Variants in RAD54L2 observed in about 807,000 individuals in gnomAD.
RAD54L2 encodes helicase ARIP4.
In RAD54L2, 27 loss-of-function variants were observed where a neutral mutation model predicts 138.4. The ratio of observed to expected loss-of-function variants is 0.20; its 90% CI spans 0.14 to 0.27. The LOEUF (loss-of-function observed/expected upper bound fraction) is 0.27, where lower values mean the gene tolerates loss of function less well. RAD54L2 is among the 10% of genes least tolerant of loss of function. The pLI is 1.00. For missense variants in RAD54L2, 1,396 were observed against 1,890.2 expected (o/e 0.74, Z 4.85); for synonymous variants, 644 against 723.2 (o/e 0.89, Z 1.76).
chr3:51,609,259 A>G (rs1024662107), intron 3 of RAD54L2, among the ~76,000 whole-genome samples: 1 of 152,164 alleles, frequency 6.6e-6, no homozygotes, highest in African/African-American at 2.4e-5. Context: ...TTTTGCATTC[A>G]CAGGGTTTCA....
Position 51,599,910 on chromosome 3 carries a change from G to A in RAD54L2, c.139+9351G>A, listed in dbSNP as rs1700045065. Reference sequence around the variant, plus strand: ...TGGGATTACAGGCATGAGCTACTGTGCCTGGCCCCAAGTAACTTTTTTATT... The same window carrying A: ...TGGGATTACAGGCATGAGCTACTGTACCTGGCCCCAAGTAACTTTTTTATT... On this transcript the variant is annotated intron_variant, in intron 3 of 22. Coordinates refer to ENST00000684192, the MANE Select transcript of RAD54L2 (RefSeq NM_015106.4). Among the ~76,000 whole-genome samples the A allele has an allele frequency of 2.0e-5, 3 of 151,488 alleles. No homozygotes were observed. The South Asian group carries it at 6.3e-4, about 32-fold the overall frequency.
intron 2 of RAD54L2, among the ~76,000 whole-genome samples, chr3:51,576,387 G>C (rs1699482253): frequency 6.6e-6 from 1 of 152,094 alleles, no homozygotes; most frequent in Non-Finnish European, 1.5e-5. Context: ...GGATTCCCTT[G>C]TTTTCTGTTG....
chr3:51,606,163 C>T (rs142888270), intron 3 of RAD54L2, among the ~76,000 whole-genome samples: 1 of 152,034 alleles, frequency 6.6e-6, no homozygotes, highest in African/African-American at 2.4e-5. Context: ...ATCAAAAGAA[C>T]CTTTAAGCAT....
Position 51,630,781 on chromosome 3 carries a change from TGAG to T in RAD54L2, c.678_680del (p.Glu229del). ...GCAGTGAATCTGTCAGTGAAGATGA[TGAG>T]GAAGAAGAGAAGGGTGGCACCCATG... On this transcript the variant is annotated inframe_deletion, in exon 7 of 23. Coordinates refer to ENST00000684192, the MANE Select transcript of RAD54L2 (RefSeq NM_015106.4). 1 of 1,613,934 alleles carries T rather than the reference TGAG, an allele frequency of 6.2e-7. No individual in the cohort carries two copies. Among genetic ancestry groups the T allele is most frequent in the Non-Finnish European group, 8.5e-7 (1 of 1,179,866 alleles).
At position 51,664,306 on chromosome 3, in the gene RAD54L2, T is replaced by G. The variant is rs1212183290; in HGVS notation, c.*886T>G. 1.3e-5 allele frequency: 2 copies of G among 152,208 alleles called. No individual in the cohort carries two copies. Among genetic ancestry groups the G allele is most frequent in the Non-Finnish European group, 2.9e-5 (2 of 68,042 alleles). 9.4% of individuals were successfully genotyped at this position (152,208 alleles called of 1,614,324 possible). A position where few individuals can be genotyped will look rare whatever the true frequency, so the allele number is the denominator to read the frequency against. ...GGCTATCTCTGAGCAGCTCTCCCTT[T>G]CCAGCTTGGAAGGTTGTCTGTGTGC... is the stretch of plus-strand genomic sequence containing the variant. On this transcript the variant is annotated 3_prime_UTR_variant, in exon 23 of 23. Coordinates refer to ENST00000684192, the MANE Select transcript of RAD54L2 (RefSeq NM_015106.4).
At chr3:51,558,550 G>C (rs1238246648) in intron 2 of RAD54L2, among the ~76,000 whole-genome samples, 2 of 150,864 alleles carry the variant, frequency 1.3e-5, no homozygotes, top group African/African-American at 4.9e-5. Flanking sequence ...GTTCACTGCA[G>C]CCTCAACTGC....
Position 51,627,570 on chromosome 3 carries a change from A to G in RAD54L2, c.157A>G (p.Met53Val), listed in dbSNP as rs553236892. ...DLLDDPSLEGMCGTEHAQLGE... is the reference protein window; with the variant it reads ...DLLDDPSLEGVCGTEHAQLGE... ...TTTTTCAGACCCATCCCTGGAAGGC[A>G]TGTGTGGCACTGAGCATGCCCAGTT... Residue 53 changes from methionine (M) to valine (V), a missense_variant, in exon 4 of 23, where the codon ATG becomes GTG. Around this residue, in one of 7 missense-constraint regions of RAD54L2, gnomAD observed 256 missense variants for 344.6 expected, o/e 0.74. Transcript: ENST00000684192. 1 of 1,552,202 alleles carries G rather than the reference A, an allele frequency of 6.4e-7. No homozygotes were observed. Among genetic ancestry groups the G allele is most frequent in the South Asian group, 1.2e-5 (1 of 84,146 alleles).
At chr3:51,651,689 A>G (rs1302628465) in intron 19 of RAD54L2, among the ~76,000 whole-genome samples, 1 of 152,238 alleles carries the variant, frequency 6.6e-6, no homozygotes, top group Non-Finnish European at 1.5e-5. Context: ...CAAAAACCAC[A>G]TGATTATCTC....
At chr3:51,567,420 C>T (rs1699241942) in intron 2 of RAD54L2, among the ~76,000 whole-genome samples, 1 of 149,754 alleles carries the variant, frequency 6.7e-6, no homozygotes, top group African/African-American at 2.4e-5. Flanking sequence ...TATTCAAGTA[C>T]TTCCTCTCAG....
chr3:51,541,084 C>G (rs1359994287), intron 1 of RAD54L2: 1 of 150,974 alleles, frequency 6.6e-6, no homozygotes, highest in Non-Finnish European at 1.5e-5. Flanking sequence ...TTCTCTTTCT[C>G]CATTCATTCT....
At chr3:51,658,769 A>C (rs1328529934) in intron 21 of RAD54L2, among the ~76,000 whole-genome samples, 1 of 152,108 alleles carries the variant, frequency 6.6e-6, no homozygotes, top group Non-Finnish European at 1.5e-5. Flanking sequence ...GATTCTTCCT[A>C]GTCTAGAACC....
chr3:51,646,568 A>T, intron 19 of RAD54L2, 87 bp downstream of exon 19: 1 of 1,323,492 alleles, frequency 7.6e-7, no homozygotes, highest in Non-Finnish European at 1.0e-6. Context: ...GGCAGAGCCT[A>T]CAACTTGTTC....
At chr3:51,629,218 T>G (rs1363760308) in intron 4 of RAD54L2, 116 bp from the exon 5 acceptor site, 1 of 1,189,186 alleles carries the variant, frequency 8.4e-7, no homozygotes, top group Non-Finnish European at 1.2e-6. Context: ...TGATGTGGCT[T>G]CTCCTTCTCC....
chr3:51,614,806 G>T (rs1350446278), intron 3 of RAD54L2, among the ~76,000 whole-genome samples: 1 of 151,498 alleles, frequency 6.6e-6, no homozygotes, highest in Non-Finnish European at 1.5e-5. Flanking sequence ...AGCCACTGGC[G>T]CCTGGCCTCT....
At position 51,638,766 on chromosome 3, in the gene RAD54L2, C is replaced by T. The variant is rs1701054082; in HGVS notation, c.1860+445C>T. The T allele has an allele frequency of 6.2e-6, 1 of 161,824 alleles. No individual in the cohort carries two copies. The highest frequency in any genetic ancestry group is 1.4e-5 in the Non-Finnish European group (1 of 73,942). The allele number at this position is 161,824 out of a possible 1,614,324, so 10.0% of individuals were successfully genotyped here. A position where few individuals can be genotyped will look rare whatever the true frequency, so the allele number is the denominator to read the frequency against. On this transcript the variant is annotated intron_variant, in intron 12 of 22. Transcript: ENST00000684192. This position sits in a 1 kb window ranked among gnomAD's most constrained non-coding sequence, Gnocchi z 4.3. ...CTGTTTCATTGACTTCATACCTCTA[C>T]CCCTGGCTACTCTTCAGCAGACCTG... is the stretch of plus-strand genomic sequence containing the variant.
chr3:51,646,303 T>G lies in RAD54L2; in HGVS notation c.2848T>G (p.Ser950Ala). 1 of 1,592,812 alleles carries G rather than the reference T, an allele frequency of 6.3e-7. No individual in the cohort carries two copies. The highest frequency in any genetic ancestry group is 8.5e-7 in the Non-Finnish European group (1 of 1,169,988). The change falls in exon 19 of 23, where the codon TCA (serine) becomes GCA (alanine). Residue 950 changes from serine to alanine, a missense_variant. Around this residue, in one of 7 missense-constraint regions of RAD54L2, gnomAD observed 634 missense variants for 711.2 expected, o/e 0.89. Coordinates refer to ENST00000684192, the MANE Select transcript of RAD54L2 (RefSeq NM_015106.4). The part of the protein sequence containing the change: ...LITKEPFEHE[S>A]LLLNRKDHKL... ...TCCCCAGGAGCCTTTCGAGCATGAG[T>G]CATTGCTCTTGAACCGAAAGGATCA...
intron 5 of RAD54L2, 30 bp from the exon 6 acceptor site, chr3:51,630,242 C>T: frequency 1.9e-6 from 3 of 1,574,428 alleles, no homozygotes; most frequent in Non-Finnish European, 2.6e-6. Flanking sequence ...GTGGTCTTGA[C>T]ACCGTTCCCT....
At chr3:51,614,510 C>G (rs1048420578) in intron 3 of RAD54L2, among the ~76,000 whole-genome samples, 1 of 151,684 alleles carries the variant, frequency 6.6e-6, no homozygotes, top group African/African-American at 2.4e-5. Context: ...TCCCCTTGCT[C>G]TCAGATCTCT....
chr3:51,628,088 G>C (rs1292670916), intron 4 of RAD54L2, among the ~76,000 whole-genome samples: 1 of 152,134 alleles, frequency 6.6e-6, no homozygotes, highest in African/African-American at 2.4e-5. Context: ...CTCAAAACAA[G>C]AGGAGACTTT....
Sources: gnomAD v4.1 joint callset for allele counts (sites outside exome capture counted in the v4.1 genomes callset) on GRCh38, gnomAD v4.1.1 for gene constraint, gnomAD v4.1.1 regional missense constraint, Gnocchi (gnomAD v3.1) non-coding constraint, MANE v1.5 for transcripts, NCBI Gene and HGNC (gene_info 2026-07-23, HGNC 2026-07-21) for gene names.